MITF: variants seen among roughly 807,000 people sequenced by gnomAD.
MITF encodes melanocyte inducing transcription factor, also known as microphthalmia-associated transcription factor.
In MITF, 17 loss-of-function variants were observed where a neutral mutation model predicts 60.5. That is an observed-to-expected ratio of 0.28 (90% CI 0.19 to 0.42). The LOEUF is 0.42. MITF is among the 10% of genes least tolerant of loss of function. The pLI is 1.00. For missense variants in MITF, 622 were observed against 683.5 expected, an observed-to-expected ratio of 0.91 and a Z score of 1.00; for synonymous variants, 260 against 248.5, an observed-to-expected ratio of 1.05 and a Z score of -0.43.
At chr3:69,835,245 T>C (rs2063523264) in intron 1 of MITF, among the ~76,000 whole-genome samples, 1 of 152,132 alleles carries the variant, frequency 6.6e-6, no homozygotes, top group Non-Finnish European at 1.5e-5. Flanking sequence ...CTCAAACACC[T>C]GGGCTTAAGC....
At chr3:69,954,052 G>A (rs2066335945) in intron 7 of MITF, among the ~76,000 whole-genome samples, 1 of 151,896 alleles carries the variant, frequency 6.6e-6, no homozygotes. Context: ...ATACACCTTT[G>A]TATTTTTTGA....
At chr3:69,868,579 T>C (rs1251239500) in intron 1 of MITF, among the ~76,000 whole-genome samples, 1 of 152,132 alleles carries the variant, frequency 6.6e-6, no homozygotes, top group Non-Finnish European at 1.5e-5. Flanking sequence ...CAGGTGTATT[T>C]CCCTGAGTCC....
At chr3:69,837,112 C>G (rs35759074) in intron 1 of MITF, among the ~76,000 whole-genome samples, 50,611 of 152,068 alleles carry the variant, frequency 0.33, 9,511 homozygotes, top group Non-Finnish European at 0.42. Flanking sequence ...CTATTTGTCC[C>G]AGATATATCT....
intron 2 of MITF, among the ~76,000 whole-genome samples, chr3:69,908,086 T>C (rs932238160): frequency 1.4e-4 from 22 of 152,202 alleles, no homozygotes; most frequent in Admixed American, 7.2e-4. Flanking sequence ...CTTATGGGGC[T>C]TTTGCCTTTT....
At chr3:69,741,053 G>A (rs562645805) in intron 1 of MITF, among the ~76,000 whole-genome samples, 1 of 152,336 alleles carries the variant, frequency 6.6e-6, no homozygotes, top group African/African-American at 2.4e-5. Context: ...GACTGCCATT[G>A]CTGAAGACTC....
rs535390157 is a variant in MITF, at chr3:69,833,963, T to A, written c.105-45171T>A. On this transcript the variant is annotated intron_variant, in intron 1 of 9. Coordinates refer to ENST00000352241, the MANE Select transcript of MITF (RefSeq NM_001354604.2). Reference sequence around the variant, plus strand: ...CCCAGTAGCATTGCCAGATTAAATATGGATACTCAGTGAAACTTGAATTGT... The same window carrying A: ...CCCAGTAGCATTGCCAGATTAAATAAGGATACTCAGTGAAACTTGAATTGT... Among the ~76,000 whole-genome samples the A allele has an allele frequency of 6.6e-5, 10 of 152,388 alleles. No individual in the cohort carries two copies. The South Asian group carries it at 2.1e-3, about 32-fold the overall frequency.
In MITF at chr3:69,746,148, G is replaced by A. The variant is rs374325638; in HGVS notation, c.104+6447G>A. Among the ~76,000 whole-genome samples the A allele has an allele frequency of 2.4e-4, 37 of 152,254 alleles. 1 individual carries two copies. In the South Asian group the frequency reaches 5.0e-3, roughly 20 times the overall value. ...AAGTGGGATTCTCAGTCTTGGTTTC[G>A]TTTGTTATTGGAGATTTCCTTTTCC... On this transcript the variant is annotated intron_variant, in intron 1 of 9. Coordinates refer to ENST00000352241, the MANE Select transcript of MITF (RefSeq NM_001354604.2).
At chr3:69,814,107 AC>A (rs1269490786) in intron 1 of MITF, among the ~76,000 whole-genome samples, 1 of 151,556 alleles carries the variant, frequency 6.6e-6, no homozygotes, top group East Asian at 1.9e-4. Flanking sequence ...TTCCTTTTCG[AC>A]CTATTTCCTG....
intron 6 of MITF, among the ~76,000 whole-genome samples, chr3:69,950,470 A>G (rs1003353644): frequency 1.5e-3 from 227 of 148,476 alleles, no homozygotes; most frequent in African/African-American, 5.5e-3. Context: ...ATATATATAT[A>G]TATATATGCA....
intron 2 of MITF, among the ~76,000 whole-genome samples, chr3:69,923,346 T>A (rs1018670697): frequency 2.0e-5 from 3 of 152,180 alleles, no homozygotes; most frequent in Admixed American, 2.0e-4. Flanking sequence ...AGTAATTGCT[T>A]TATTTTCTTT....
At chr3:69,743,197 A>G (rs759231564) in intron 1 of MITF, among the ~76,000 whole-genome samples, 6 of 152,218 alleles carry the variant, frequency 3.9e-5, no homozygotes, top group Non-Finnish European at 8.8e-5. Context: ...TCTATCAATT[A>G]TGGCAACCAA....
At chr3:69,786,422 G>T (rs2062650186) in intron 1 of MITF, among the ~76,000 whole-genome samples, 1 of 151,982 alleles carries the variant, frequency 6.6e-6, no homozygotes, top group Non-Finnish European at 1.5e-5. Context: ...TGAAGTTCAA[G>T]GTCTTCATAA....
At chr3:69,763,065 A>G (rs970518785) in intron 1 of MITF, among the ~76,000 whole-genome samples, 1 of 152,204 alleles carries the variant, frequency 6.6e-6, no homozygotes, top group African/African-American at 2.4e-5. Flanking sequence ...AACAGGGGGC[A>G]TAAACAGTGT....
At chr3:69,919,323 G>A (rs1035648488) in intron 2 of MITF, among the ~76,000 whole-genome samples, 4 of 152,144 alleles carry the variant, frequency 2.6e-5, no homozygotes, top group Admixed American at 6.5e-5. Flanking sequence ...AACTTTGTAG[G>A]AACAATCTTG....
intron 1 of MITF, among the ~76,000 whole-genome samples, chr3:69,873,236 C>T (rs2064277868): frequency 6.6e-6 from 1 of 152,046 alleles, no homozygotes; most frequent in South Asian, 2.1e-4. Context: ...GATATAGTTT[C>T]TTATTAGTAT....
chr3:69,851,333 A>G (rs1472121691), intron 1 of MITF, among the ~76,000 whole-genome samples: 1 of 151,950 alleles, frequency 6.6e-6, no homozygotes, highest in Non-Finnish European at 1.5e-5. Context: ...TCATTTGCAA[A>G]TTTTCTTTTT....
At chr3:69,936,670 G>A (rs1349633388) in intron 2 of MITF, 3 of 1,611,476 alleles carry the variant, frequency 1.9e-6, no homozygotes, top group African/African-American at 2.7e-5. Flanking sequence ...AGAAAGTAGA[G>A]GGAGGGATAG....
intron 2 of MITF, chr3:69,936,665 G>A: frequency 6.2e-7 from 1 of 1,610,352 alleles, no homozygotes; most frequent in Non-Finnish European, 8.5e-7. Flanking sequence ...ATTATAGAAA[G>A]TAGAGGGAGG....
intron 1 of MITF, among the ~76,000 whole-genome samples, chr3:69,787,560 T>G (rs887615974): frequency 5.3e-5 from 8 of 152,244 alleles, no homozygotes. Context: ...TGGTGTTTGG[T>G]TTTTGAATTT....
Sources: allele counts gnomAD v4.1 joint callset (sites outside exome capture counted in the v4.1 genomes callset), GRCh38; gene constraint gnomAD v4.1.1; transcripts MANE v1.5; gene names NCBI Gene and HGNC (gene_info 2026-07-23, HGNC 2026-07-21).